DSC3: variants seen among roughly 807,000 people sequenced by gnomAD.
DSC3 encodes desmocollin-3.
In DSC3, 97 loss-of-function variants were observed where a neutral mutation model predicts 89.5. The observed-to-expected ratio is 1.08, with a 90% CI of 0.92 to 1.28. The LOEUF (loss-of-function observed/expected upper bound fraction) is 1.28, where lower values mean the gene tolerates loss of function less well. DSC3 is among the 50% of genes most tolerant of loss of function. The probability of loss-of-function intolerance (pLI) is 0.00; values close to 1 mark genes in which losing one functional copy is unlikely to be tolerated. For missense variants in DSC3, 1,199 were observed against 1,085.3 expected, an observed-to-expected ratio of 1.10 and a Z score of -1.47; for synonymous variants, 436 against 384.1, an observed-to-expected ratio of 1.14 and a Z score of -1.58.
rs146351363 is a variant in DSC3 at position 31,001,703 on chromosome 18, G to A, written c.2150C>T (p.Ala717Val). The change falls in exon 14 of 16, where the codon GCA becomes GTA. Residue 717 changes from alanine (A) to valine (V), a missense_variant. Coordinates refer to ENST00000360428, the MANE Select transcript of DSC3 (RefSeq NM_001941.5). ...LLTLVCGVFG[A>V]TKGKRFPEDL... ...TTCAGGAAAACGTTTCCCTTTAGTT[G>A]CACCAAAAACTCCACATACTAAAGT... is the stretch of plus-strand genomic sequence containing the variant. 3 of 1,608,610 alleles carry A rather than the reference G, an allele frequency of 1.9e-6. No individual in the cohort carries two copies. Among genetic ancestry groups the A allele is most frequent in the Non-Finnish European group, 2.5e-6 (3 of 1,177,560 alleles).
chr18:31,001,705 A>G lies in DSC3; in HGVS notation c.2148T>C (p.Gly716=). The G allele has an allele frequency of 1.2e-6, 2 of 1,609,178 alleles. No homozygotes were observed. The highest frequency in any genetic ancestry group is 1.7e-6 in the Non-Finnish European group (2 of 1,177,742). Residue 716 remains glycine (G), a synonymous_variant, in exon 14 of 16, where the codon GGT becomes GGC. Coordinates refer to ENST00000360428, the MANE Select transcript of DSC3 (RefSeq NM_001941.5). ...CAGGAAAACGTTTCCCTTTAGTTGC[A>G]CCAAAAACTCCACATACTAAAGTTA... ...VLLTLVCGVF[G]ATKGKRFPED...
At chr18:31,002,691 A>G (rs1984704073) in intron 13 of DSC3, among the ~76,000 whole-genome samples, 1 of 146,436 alleles carries the variant, frequency 6.8e-6, no homozygotes. Context: ...CAAGAGCAAA[A>G]CTCTGCCTCA....
intron 9 of DSC3, among the ~76,000 whole-genome samples, chr18:31,016,100 A>G (rs1270198186): frequency 2.6e-5 from 4 of 152,208 alleles, no homozygotes; most frequent in Admixed American, 6.5e-5. Context: ...GATATGATCT[A>G]AAAGGGGAGA....
chr18:31,011,745 C>T (rs1041074086), intron 9 of DSC3, among the ~76,000 whole-genome samples: 1 of 151,822 alleles, frequency 6.6e-6, no homozygotes, highest in African/African-American at 2.4e-5. Flanking sequence ...GTAATCCTAG[C>T]ACTTTGGGAG....
Position 31,040,051 on chromosome 18 carries a change from A to T in DSC3, c.69+2541T>A, listed in dbSNP as rs1986084736. 2.0e-5 allele frequency among the ~76,000 whole-genome samples: 3 copies of T among 152,260 alleles called. No individual in the cohort carries two copies. The South Asian group carries it at 6.2e-4, about 32-fold the overall frequency. Reference sequence around the variant, plus strand: ...AACATCACAAGTTTTTCTGGTAAGGACTCACATTATTCACATTAACCCTAA... The same window carrying T: ...AACATCACAAGTTTTTCTGGTAAGGTCTCACATTATTCACATTAACCCTAA... On this transcript the variant is annotated intron_variant, in intron 1 of 15. Transcript: ENST00000360428.
chr18:31,002,498 C>T (rs1037911728), intron 13 of DSC3, among the ~76,000 whole-genome samples: 5 of 151,814 alleles, frequency 3.3e-5, no homozygotes, highest in South Asian at 2.1e-4. Flanking sequence ...ATCAGGAGTT[C>T]GAGACAAGAC....
Position 31,007,942 on chromosome 18 carries a change from A to G in DSC3, c.1663+74T>C, listed in dbSNP as rs1392208880. On this transcript the variant is annotated intron_variant, in intron 11 of 15. Transcript: ENST00000360428. ...AATTCCATACACTTACCACCAAAATAAATCTGCATAAGAATAATTACATTT... is the reference window on the plus strand; with the variant it reads ...AATTCCATACACTTACCACCAAAATGAATCTGCATAAGAATAATTACATTT... The G allele has an allele frequency of 2.9e-6, 4 of 1,360,644 alleles. No homozygotes were observed. The Admixed American group carries it at 7.6e-5, about 26-fold the overall frequency. 84.3% of individuals were successfully genotyped at this position (1,360,644 alleles called of 1,614,324 possible).
chr18:31,030,219 T>C (rs978911733), intron 3 of DSC3, among the ~76,000 whole-genome samples: 1 of 152,324 alleles, frequency 6.6e-6, no homozygotes. Context: ...TATCAAACAG[T>C]GCAGATAGTG....
chr18:31,036,472 C>T (rs945170923), intron 1 of DSC3, among the ~76,000 whole-genome samples: 2 of 151,850 alleles, frequency 1.3e-5, no homozygotes, highest in African/African-American at 2.4e-5. Flanking sequence ...AAACAGAGTG[C>T]TTCAATTTTG....
intron 5 of DSC3, 54 bp from the exon 6 acceptor site, chr18:31,024,547 A>G (rs1041398104): frequency 6.3e-7 from 1 of 1,580,584 alleles, no homozygotes; most frequent in Non-Finnish European, 8.6e-7. Flanking sequence ...GCAAGACAGA[A>G]TAAGATGCTT....
intron 4 of DSC3, 99 bp downstream of exon 4, chr18:31,029,410 C>A (rs991585868): frequency 6.8e-7 from 1 of 1,468,204 alleles, no homozygotes; most frequent in Non-Finnish European, 9.4e-7. Flanking sequence ...CATCTTTAAT[C>A]AGATCTGTTT....
rs372055903 is a variant in DSC3, at chr18:31,004,349, A to G, written c.1906T>C (p.Ser636Pro). Residue 636 changes from serine (S) to proline (P), a missense_variant, in exon 13 of 16, where the codon TCA (serine) becomes CCA (proline). By Grantham distance (74) the Ser-to-Pro change is moderately conservative. Coordinates refer to ENST00000360428, the MANE Select transcript of DSC3 (RefSeq NM_001941.5). ...TGAAATCCAGCATTTTTCTGATATG[A>G]AAGACGGGCAGCTGTATCTGAAAGA... Reference protein sequence around the residue: ...TKVNDTAARLSYQKNAGFQEY... With the variant: ...TKVNDTAARLPYQKNAGFQEY... The G allele has an allele frequency of 8.7e-6, 14 of 1,613,696 alleles. No individual in the cohort carries two copies. The African/African-American group carries it at 9.3e-5, about 11-fold the overall frequency.
At chr18:31,033,020 C>T (rs1985852395) in intron 1 of DSC3, among the ~76,000 whole-genome samples, 1 of 152,070 alleles carries the variant, frequency 6.6e-6, no homozygotes, top group Non-Finnish European at 1.5e-5. Context: ...CATTTCTGTA[C>T]ACTAGCATTG....
chr18:31,019,918 C>T (rs1985362999), intron 7 of DSC3, among the ~76,000 whole-genome samples: 1 of 151,966 alleles, frequency 6.6e-6, no homozygotes, highest in South Asian at 2.1e-4. Context: ...ACAGTAAATT[C>T]TATATACAAG....
At chr18:31,010,628 T>G (rs965006515) in intron 9 of DSC3, among the ~76,000 whole-genome samples, 1 of 152,164 alleles carries the variant, frequency 6.6e-6, no homozygotes, top group African/African-American at 2.4e-5. Flanking sequence ...GTTTCGCCAC[T>G]TAAAAAAAGT....
At chr18:31,032,583 TGTGTGTGCGTGTGCGTGTGCGTGTGC>T (rs1328877452) in intron 1 of DSC3, among the ~76,000 whole-genome samples, 1 of 118,086 alleles carries the variant, frequency 8.5e-6, no homozygotes, top group African/African-American at 3.9e-5. Context: ...TGTGTGTGTG[TGTGTGTGCGTGTGCGTGTGCGTGTGC>T]GTGTGTGACT....
In DSC3 at chr18:31,007,097, G is replaced by GT; in HGVS notation, c.1697dup (p.Asn566LysfsTer3). On this transcript the variant is annotated frameshift_variant, in exon 12 of 16. Coordinates refer to ENST00000360428, the MANE Select transcript of DSC3 (RefSeq NM_001941.5). LOFTEE classifies it high-confidence loss of function. The stretch of plus-strand genomic sequence containing the variant: ...GTGGATTATCATTTACATCTTCAAT[G>GT]TTCACAGCAAGTGTTCCAGTACATG... The GT allele has an allele frequency of 6.2e-7, 1 of 1,613,794 alleles. No homozygotes were observed. Among genetic ancestry groups the GT allele is most frequent in the Non-Finnish European group, 8.5e-7 (1 of 1,179,818 alleles).
chr18:30,994,215 G>A lies in DSC3; in HGVS notation c.2651C>T (p.Pro884Leu), dbSNP rs759374333. ...DGLDFLNNLE[P>L]KFITLAEACT... ...TGCTTCTGCTAATGTAATAAATTTG[G>A]GTTCCAAATTATTTAAAAAGTCAAG... Residue 884 changes from proline (P) to leucine (L), a missense_variant, in exon 16 of 16, where the codon CCC becomes CTC. By Grantham distance (98) the Pro-to-Leu change is moderately conservative. Transcript: ENST00000360428. The A allele has an allele frequency of 6.2e-7, 1 of 1,613,854 alleles. No individual in the cohort carries two copies. The highest frequency in any genetic ancestry group is 1.7e-5 in the Admixed American group (1 of 59,998).
intron 9 of DSC3, among the ~76,000 whole-genome samples, chr18:31,012,874 A>G (rs998344585): frequency 1.3e-5 from 2 of 152,206 alleles, no homozygotes; most frequent in African/African-American, 4.8e-5. Context: ...TGAAATTACA[A>G]TCTTGGCTAT....
Sources: allele counts gnomAD v4.1 joint callset (sites outside exome capture counted in the v4.1 genomes callset), GRCh38; gene constraint gnomAD v4.1.1; transcripts MANE v1.5; gene names NCBI Gene and HGNC (gene_info 2026-07-23, HGNC 2026-07-21).